Variants in PRMT2 observed in about 807,000 individuals in gnomAD.
PRMT2 encodes protein arginine N-methyltransferase 2.
A neutral mutation model predicts 57.6 loss-of-function variants in PRMT2; 26 were observed. That is an observed-to-expected ratio of 0.45 (90% CI 0.33 to 0.63). PRMT2 has a LOEUF of 0.63. PRMT2 is among the 20% of genes least tolerant of loss of function. The pLI, the probability that PRMT2 is intolerant of heterozygous loss-of-function variation, is 0.02. For synonymous variants in PRMT2, 219 were observed against 220.0 expected, an observed-to-expected ratio of 1.00 and a Z score of 0.04; for missense variants, 472 against 564.4, an observed-to-expected ratio of 0.84 and a Z score of 1.66.
At chr21:46,655,449 G>A (rs1432280094) in intron 7 of PRMT2, among the ~76,000 whole-genome samples, 2 of 152,058 alleles carry the variant, frequency 1.3e-5, no homozygotes, top group Non-Finnish European at 2.9e-5. Flanking sequence ...ACAGTCTGAA[G>A]AAGAAAAATC....
chr21:46,661,040 A>G (rs1053928968), intron 9 of PRMT2, 78 bp downstream of exon 9: 60 of 1,461,178 alleles, frequency 4.1e-5, no homozygotes, highest in Non-Finnish European at 5.2e-5. Flanking sequence ...TGGCTTATCA[A>G]AAACCTTCAG....
In PRMT2 at chr21:46,660,653, CG is replaced by C. The variant is rs1569164528; in HGVS notation, c.831-177del. Among the ~76,000 whole-genome samples the C allele has an allele frequency of 1.2e-4, 19 of 152,228 alleles. No individual in the cohort carries two copies. In the East Asian group the frequency reaches 3.7e-3, roughly 29 times the overall value. On this transcript the variant is annotated intron_variant, in intron 8 of 11. Transcript: ENST00000355680. The stretch of plus-strand genomic sequence containing the variant: ...GGGTAGAGTCTGGGTCTTCTCAGAG[CG>C]GGAGGCACCCAGGGCCTGTGGAGGC...
At chr21:46,656,175 G>A (rs182628313) in intron 7 of PRMT2, among the ~76,000 whole-genome samples, 18 of 152,208 alleles carry the variant, frequency 1.2e-4, no homozygotes, top group Admixed American at 5.9e-4. Flanking sequence ...AGCCTGGCAC[G>A]CCCACTTGCC....
chr21:46,645,315 C>T (rs2061347251), intron 5 of PRMT2, among the ~76,000 whole-genome samples: 2 of 151,958 alleles, frequency 1.3e-5, no homozygotes, highest in African/African-American at 2.4e-5. Flanking sequence ...AATAATACTA[C>T]TTAGGTCAGG....
chr21:46,650,193 G>T (rs1400219199), intron 7 of PRMT2, among the ~76,000 whole-genome samples: 1 of 152,204 alleles, frequency 6.6e-6, no homozygotes, highest in East Asian at 1.9e-4. Flanking sequence ...CATGTGGGTG[G>T]AAGTGGACTG....
At chr21:46,655,240 A>G (rs183176033) in intron 7 of PRMT2, among the ~76,000 whole-genome samples, 64 of 152,314 alleles carry the variant, frequency 4.2e-4, no homozygotes, top group African/African-American at 1.5e-3. Context: ...ACCAAAACCA[A>G]TGTTAACACA....
chr21:46,636,683 G>C, intron 2 of PRMT2, 136 bp downstream of exon 2: 1 of 471,382 alleles, frequency 2.1e-6, no homozygotes, highest in Non-Finnish European at 3.8e-6. Flanking sequence ...ACACCTTGCA[G>C]ACTAGTGAAG....
chr21:46,635,874 C>T (rs991764280), intron 1 of PRMT2, 111 bp downstream of exon 1: 19 of 152,412 alleles, frequency 1.2e-4, no homozygotes, highest in African/African-American at 4.6e-4. Context: ...AGGCCTCCGC[C>T]CCCTTTTGGG....
chr21:46,658,622 A>G (rs2061573514), intron 7 of PRMT2, 123 bp from the exon 8 acceptor site: 5 of 1,497,298 alleles, frequency 3.3e-6, no homozygotes, highest in Non-Finnish European at 4.5e-6. Flanking sequence ...TGGCCTAGGC[A>G]GGAATATTCT....
chr21:46,643,943 C>T (rs2061323247), intron 4 of PRMT2, among the ~76,000 whole-genome samples: 1 of 152,204 alleles, frequency 6.6e-6, no homozygotes, highest in East Asian at 1.9e-4. Flanking sequence ...GCTATATCTG[C>T]TTGGACATAG....
chr21:46,652,485 G>T, intron 7 of PRMT2: 8 of 985,420 alleles, frequency 8.1e-6, no homozygotes, highest in Non-Finnish European at 8.4e-6. Flanking sequence ...AAATGCCAGA[G>T]GCCAGGAGCT....
chr21:46,662,392 G>A (rs1333059926), intron 10 of PRMT2, among the ~76,000 whole-genome samples: 1 of 152,236 alleles, frequency 6.6e-6, no homozygotes, highest in Non-Finnish European at 1.5e-5. Context: ...CCTTCCCTTT[G>A]GGTGGGGTTG....
chr21:46,643,266 C>T (rs935480153), intron 3 of PRMT2: 12 of 375,188 alleles, frequency 3.2e-5, no homozygotes, highest in Non-Finnish European at 4.0e-5. Flanking sequence ...GGGCTCCTCA[C>T]CAAATAGACA....
At chr21:46,660,753 C>T in intron 8 of PRMT2, 80 bp from the exon 9 acceptor site, 2 of 1,525,674 alleles carry the variant, frequency 1.3e-6, no homozygotes, top group East Asian at 2.3e-5. Flanking sequence ...GGAGAGCACT[C>T]ACCGCGGTCC....
intron 5 of PRMT2, 32 bp downstream of exon 5, chr21:46,644,520 C>A (rs1601924083): frequency 6.4e-7 from 1 of 1,550,944 alleles, no homozygotes. Context: ...GTTCAGCTGG[C>A]CAGGCGGTGG....
At chr21:46,643,511 C>G (rs762503632) in intron 3 of PRMT2, 24 bp from the exon 4 acceptor site, 13 of 1,498,960 alleles carry the variant, frequency 8.7e-6, no homozygotes, top group East Asian at 4.9e-5. Flanking sequence ...GTCCTCTCCT[C>G]ACGCTTTCCT....
At chr21:46,650,485 T>C (rs2061432747) in intron 7 of PRMT2, among the ~76,000 whole-genome samples, 1 of 152,114 alleles carries the variant, frequency 6.6e-6, no homozygotes, top group African/African-American at 2.4e-5. Flanking sequence ...TGTTGAAATT[T>C]TGTTGTCAGA....
chr21:46,653,293 T>C, intron 7 of PRMT2: 1 of 985,432 alleles, frequency 1.0e-6, no homozygotes, highest in East Asian at 1.1e-4. Context: ...TCTTTATAAG[T>C]CAGCTCATGA....
intron 4 of PRMT2, among the ~76,000 whole-genome samples, chr21:46,644,009 G>A (rs1243919676): frequency 6.6e-6 from 1 of 152,180 alleles, no homozygotes; most frequent in Non-Finnish European, 1.5e-5. Flanking sequence ...AACTCAGTTG[G>A]CATAGTTGAG....
Sources: allele counts gnomAD v4.1 joint callset (sites outside exome capture counted in the v4.1 genomes callset), GRCh38; gene constraint gnomAD v4.1.1; transcripts MANE v1.5; gene names NCBI Gene and HGNC (gene_info 2026-07-23, HGNC 2026-07-21).